The following OTUB2 variants were observed in gnomAD, a reference collection of about 807,000 sequenced individuals.
The protein encoded by OTUB2 is OTU deubiquitinase, ubiquitin aldehyde binding 2.
A neutral mutation model predicts 25.1 loss-of-function variants in OTUB2; 21 were observed. The ratio of observed to expected loss-of-function variants is 0.84; its 90% CI spans 0.59 to 1.21. OTUB2 has a LOEUF of 1.21. OTUB2 is among the 50% of genes most tolerant of loss of function. OTUB2 has a pLI of 0.00. For synonymous variants in OTUB2, 122 were observed against 122.8 expected, an observed-to-expected ratio of 0.99 and a Z score of 0.04; for missense variants, 283 against 298.0, an observed-to-expected ratio of 0.95 and a Z score of 0.37.
chr14:94,037,575 T>A (rs1315997660), intron 2 of OTUB2, 100 bp downstream of exon 2: 2 of 684,956 alleles, frequency 2.9e-6, no homozygotes, highest in African/African-American at 3.7e-5. Flanking sequence ...TTGGGCCAGG[T>A]TCCTGGGCAA....
rs200865450 is a variant in OTUB2 at position 94,039,007 on chromosome 14, T to C, written c.144T>C (p.Asp48=). 9.9e-6 allele frequency: 16 copies of C among 1,614,202 alleles called. No homozygotes were observed. In the African/African-American group the frequency reaches 2.1e-4, roughly 22 times the overall value. The change falls in exon 3 of 6, where the codon GAT becomes GAC. Residue 48 remains aspartate (D), a synonymous_variant. Coordinates refer to ENST00000203664, the MANE Select transcript of OTUB2 (RefSeq NM_023112.4). Reference sequence around the variant, plus strand: ...CCGCCATCCGCAAGACCAAAGGGGATGGGAACTGCTTCTACAGGGCCTTGG... The same window carrying C: ...CCGCCATCCGCAAGACCAAAGGGGACGGGAACTGCTTCTACAGGGCCTTGG... ...RFTAIRKTKG[D]GNCFYRALGY... is the part of the protein sequence containing the mutation.
chr14:94,026,834 G>C (rs1008097597), intron 1 of OTUB2, among the ~76,000 whole-genome samples: 2 of 152,198 alleles, frequency 1.3e-5, no homozygotes, highest in East Asian at 3.9e-4. Context: ...ACGGCGCTGG[G>C]TGGGCGCCCT....
chr14:94,039,073 G>A lies in OTUB2; in HGVS notation c.210G>A (p.Glu70=). ...YLESLLGKSR[E]IFKFKERVLQ... Reference sequence around the variant, plus strand: ...AGTCCCTGCTGGGGAAGAGCAGGGAGATCTTCAAGTGAGTGCCGGGGCCCC... The same window carrying A: ...AGTCCCTGCTGGGGAAGAGCAGGGAAATCTTCAAGTGAGTGCCGGGGCCCC... Residue 70 remains glutamate (E), a synonymous_variant, in exon 3 of 6, where the codon GAG becomes GAA. Transcript: ENST00000203664. 1 of 1,613,754 alleles carries A rather than the reference G, an allele frequency of 6.2e-7. No homozygotes were observed. The highest frequency in any genetic ancestry group is 2.2e-5 in the East Asian group (1 of 44,874).
At chr14:94,044,240 C>T (rs751087634) in intron 4 of OTUB2, among the ~76,000 whole-genome samples, 185 bp downstream of exon 4, 7 of 152,210 alleles carry the variant, frequency 4.6e-5, no homozygotes, top group Non-Finnish European at 8.8e-5. Context: ...ATTCCATCTC[C>T]ACCTCATGCC....
intron 1 of OTUB2, among the ~76,000 whole-genome samples, chr14:94,035,175 C>T (rs1441097430): frequency 9.2e-5 from 14 of 151,910 alleles, no homozygotes; most frequent in Admixed American, 9.2e-4. Flanking sequence ...GTGGAAGCTT[C>T]TGGAAGCAAA....
rs74712332 is a variant in OTUB2, at chr14:94,040,199, T to G, written c.218+1118T>G. 4.7e-3 allele frequency among the ~76,000 whole-genome samples: 715 copies of G among 152,266 alleles called. 9 individuals carry two copies. The highest frequency in any genetic ancestry group is 0.017 in the African/African-American group (693 of 41,540). On this transcript the variant is annotated intron_variant, in intron 3 of 5. Transcript: ENST00000203664. ...AAAATATAGATGATCTCAAAGAGGGTAGAAGTTGAGCCATCTGTTCCTTGG... is the reference window on the plus strand; with the variant it reads ...AAAATATAGATGATCTCAAAGAGGGGAGAAGTTGAGCCATCTGTTCCTTGG...
At chr14:94,042,246 A>G (rs908949183) in intron 3 of OTUB2, among the ~76,000 whole-genome samples, 1 of 152,218 alleles carries the variant, frequency 6.6e-6, no homozygotes, top group African/African-American at 2.4e-5. Flanking sequence ...ATGACTTGCC[A>G]GAGGTCCCAC....
intron 1 of OTUB2, among the ~76,000 whole-genome samples, chr14:94,030,739 G>T (rs775557144): frequency 6.6e-6 from 1 of 151,486 alleles, no homozygotes; most frequent in South Asian, 2.1e-4. Flanking sequence ...GTGGGATTCC[G>T]TTAAGGATAC....
At chr14:94,042,575 G>A (rs774348127) in intron 3 of OTUB2, among the ~76,000 whole-genome samples, 11 of 152,276 alleles carry the variant, frequency 7.2e-5, no homozygotes, top group South Asian at 2.1e-4. Flanking sequence ...AGAGGGTGCC[G>A]GCCCTTGGAG....
intron 1 of OTUB2, among the ~76,000 whole-genome samples, chr14:94,028,633 C>T (rs532520580): frequency 4.0e-4 from 61 of 152,338 alleles, no homozygotes; most frequent in African/African-American, 1.5e-3. Flanking sequence ...CAAACAGGCC[C>T]CCAGTGGGCA....
At chr14:94,032,906 G>A (rs371937533) in intron 1 of OTUB2, among the ~76,000 whole-genome samples, 14 of 152,202 alleles carry the variant, frequency 9.2e-5, no homozygotes, top group Middle Eastern at 3.4e-3. Flanking sequence ...GGAGGGCTCC[G>A]AACTGCTATG....
chr14:94,043,977 A>G lies in OTUB2; in HGVS notation c.225A>G (p.Lys75=), dbSNP rs1885211995. 1.2e-6 allele frequency: 2 copies of G among 1,614,146 alleles called. No homozygotes were observed. Among genetic ancestry groups the G allele is most frequent in the South Asian group, 2.2e-5 (2 of 91,088 alleles). ...CAGTCTTCCCCCTCTGTAGGTTCAA[A>G]GAACGCGTACTGCAGACCCCAAATG... is the stretch of plus-strand genomic sequence containing the variant. ...LGKSREIFKF[K]ERVLQTPNDL... The change falls in exon 4 of 6, where the codon AAA becomes AAG. Residue 75 remains lysine (K), a synonymous_variant. Coordinates refer to ENST00000203664, the MANE Select transcript of OTUB2 (RefSeq NM_023112.4).
At chr14:94,037,225 C>T (rs1474248436) in intron 1 of OTUB2, among the ~76,000 whole-genome samples, 155 bp from the exon 2 acceptor site, 2 of 152,134 alleles carry the variant, frequency 1.3e-5, no homozygotes, top group East Asian at 1.9e-4. Context: ...TCCCAACGGG[C>T]GTCTAGGATG....
chr14:94,039,112 G>T, intron 3 of OTUB2, 31 bp downstream of exon 3: 1 of 1,547,690 alleles, frequency 6.5e-7, no homozygotes, highest in African/African-American at 1.4e-5. Flanking sequence ...GCCTGTCAGG[G>T]CTGTGTTCTC....
chr14:94,030,943 G>A (rs1055240574), intron 1 of OTUB2, among the ~76,000 whole-genome samples: 1 of 152,188 alleles, frequency 6.6e-6, no homozygotes, highest in Non-Finnish European at 1.5e-5. Flanking sequence ...CTTTAGGCCA[G>A]CAACACTCCT....
At chr14:94,030,002 G>T (rs937977459) in intron 1 of OTUB2, among the ~76,000 whole-genome samples, 2 of 152,168 alleles carry the variant, frequency 1.3e-5, no homozygotes, top group Non-Finnish European at 2.9e-5. Context: ...TGGGGTGAGA[G>T]TGTGTCTTGT....
chr14:94,030,791 C>A (rs1347905655), intron 1 of OTUB2, among the ~76,000 whole-genome samples: 1 of 140,602 alleles, frequency 7.1e-6, no homozygotes, highest in African/African-American at 3.0e-5. Flanking sequence ...CACAAGTGTC[C>A]TTATGAGAGC....
intron 3 of OTUB2, among the ~76,000 whole-genome samples, chr14:94,043,495 CAG>C (rs1244775332): frequency 1.1e-4 from 16 of 152,238 alleles, no homozygotes; most frequent in Admixed American, 2.0e-4. Flanking sequence ...GCAGTAGGTG[CAG>C]AGAGTAACAA....
At chr14:94,035,286 C>CTTTTTTTTTTTTTTTT (rs761154708) in intron 1 of OTUB2, among the ~76,000 whole-genome samples, 181 of 104,026 alleles carry the variant, frequency 1.7e-3, no homozygotes, top group Non-Finnish European at 2.4e-3. Flanking sequence ...TTTTTCTTTT[C>CTTTTTTTTTTTTTTTT]TTTTTTTTTT....
Sources: allele counts gnomAD v4.1 joint callset (sites outside exome capture counted in the v4.1 genomes callset), GRCh38; gene constraint gnomAD v4.1.1; transcripts MANE v1.5; gene names NCBI Gene and HGNC (gene_info 2026-07-23, HGNC 2026-07-21).